PGM2L1: variants seen among roughly 807,000 people sequenced by gnomAD.
PGM2L1 encodes glucose 1,6-bisphosphate synthase.
Under a neutral mutation model 73.4 loss-of-function variants are expected in PGM2L1, and 35 were observed. The observed-to-expected ratio is 0.48, with a 90% CI of 0.36 to 0.63. The LOEUF (loss-of-function observed/expected upper bound fraction) is 0.63. Ranked by LOEUF, PGM2L1 falls within the 30% of genes least tolerant of loss-of-function variation. The probability of loss-of-function intolerance (pLI) is 0.00; values close to 1 mark genes in which losing one functional copy is unlikely to be tolerated. For synonymous variants in PGM2L1, 225 were observed against 253.8 expected (o/e 0.89, Z 1.08); for missense variants, 570 against 742.0 (o/e 0.77, Z 2.69).
chr11:74,384,960 C>T (rs1017607449), intron 1 of PGM2L1, among the ~76,000 whole-genome samples: 6 of 152,184 alleles, frequency 3.9e-5, no homozygotes, highest in Admixed American at 2.6e-4. Context: ...AGCTGCCTAT[C>T]CTGATCAATA....
In PGM2L1 at chr11:74,347,137, T is replaced by TA; in HGVS notation, c.939+10dup. 1.3e-6 allele frequency: 2 copies of TA among 1,524,092 alleles called. No individual in the cohort carries two copies. Among genetic ancestry groups the TA allele is most frequent in the Non-Finnish European group, 1.8e-6 (2 of 1,136,858 alleles). 94.4% of individuals were successfully genotyped at this position (1,524,092 alleles called of 1,614,324 possible). On this transcript the variant is annotated intron_variant, in intron 7 of 13. Transcript: ENST00000298198. ...ATAAACTAATAATAATTTAAATATT[T>TA]AAAAAAATACCAGCACAGATTCTCC...
intron 5 of PGM2L1, among the ~76,000 whole-genome samples, chr11:74,366,990 G>C (rs974178298): frequency 1.3e-5 from 2 of 152,176 alleles, no homozygotes; most frequent in African/African-American, 4.8e-5. Context: ...GACAACAATG[G>C]TTTAGAATGA....
At chr11:74,344,435 T>C (rs1271582616) in intron 9 of PGM2L1, among the ~76,000 whole-genome samples, 1 of 151,926 alleles carries the variant, frequency 6.6e-6, no homozygotes, top group East Asian at 1.9e-4. Flanking sequence ...ATAATTAGAT[T>C]TGAGGACTTT....
chr11:74,359,987 T>C (rs1482182163), intron 5 of PGM2L1, among the ~76,000 whole-genome samples: 1 of 151,956 alleles, frequency 6.6e-6, no homozygotes, highest in East Asian at 1.9e-4. Context: ...ATTTAGGGGA[T>C]GGGGGTGAGA....
chr11:74,382,162 C>T (rs1862957539), intron 1 of PGM2L1, among the ~76,000 whole-genome samples: 1 of 152,172 alleles, frequency 6.6e-6, no homozygotes, highest in Non-Finnish European at 1.5e-5. Context: ...TAAAAAACCA[C>T]TCTAAACTTA....
At chr11:74,395,520 G>A (rs1466723665) in intron 1 of PGM2L1, among the ~76,000 whole-genome samples, 1 of 145,812 alleles carries the variant, frequency 6.9e-6, no homozygotes, top group Non-Finnish European at 1.5e-5. Context: ...TGAGTAGCTG[G>A]GACTACAGGC....
intron 5 of PGM2L1, among the ~76,000 whole-genome samples, chr11:74,359,383 C>T (rs1862516262): frequency 6.6e-6 from 1 of 151,906 alleles, no homozygotes; most frequent in Non-Finnish European, 1.5e-5. Flanking sequence ...GCCCTCTCTA[C>T]TTCTGAGCTT....
intron 5 of PGM2L1, among the ~76,000 whole-genome samples, chr11:74,358,829 C>G (rs1002775196): frequency 2.0e-5 from 3 of 152,146 alleles, no homozygotes; most frequent in Admixed American, 2.0e-4. Flanking sequence ...GCGAAGGTTG[C>G]AGTGAGCTGA....
At chr11:74,383,962 A>G (rs746564640) in intron 1 of PGM2L1, among the ~76,000 whole-genome samples, 5 of 151,780 alleles carry the variant, frequency 3.3e-5, no homozygotes, top group Non-Finnish European at 5.9e-5. Context: ...AGAATGATTT[A>G]TATTCCTTTG....
At position 74,351,714 on chromosome 11, in the gene PGM2L1, G is replaced by A. The variant is rs1238978620; in HGVS notation, c.556-138C>T. 8.7e-6 allele frequency: 6 copies of A among 692,592 alleles called. No homozygotes were observed. The East Asian group carries it at 1.8e-4, about 21-fold the overall frequency. 42.9% of individuals were successfully genotyped at this position (692,592 alleles called of 1,614,324 possible). On this transcript the variant is annotated intron_variant, in intron 5 of 13. Transcript: ENST00000298198. ...ACGGTGGCTCACGCCTGTAATCTCA[G>A]CACTTTGGGAGGCTGAGGCGGGCAG...
chr11:74,395,554 T>C (rs981289936), intron 1 of PGM2L1, among the ~76,000 whole-genome samples: 1,728 of 20,026 alleles, frequency 0.086, 36 homozygotes, highest in Non-Finnish European at 0.12. Context: ...CCTGGCTTTT[T>C]TTTTTTTTTT....
intron 6 of PGM2L1, among the ~76,000 whole-genome samples, chr11:74,348,011 A>G (rs1006574607): frequency 1.3e-5 from 2 of 152,040 alleles, no homozygotes; most frequent in African/African-American, 2.4e-5. Flanking sequence ...TTCATCTCAT[A>G]CATCACTCAG....
chr11:74,368,633 CAT>C lies in PGM2L1; in HGVS notation c.472-60_472-59del, dbSNP rs1391520614. ...GCTTCCTAGCTATTTACACATTTGACATGAGAATAATTTTGATTAAATAACAG... is the reference window on the plus strand; with the variant it reads ...GCTTCCTAGCTATTTACACATTTGACGAGAATAATTTTGATTAAATAACAG... On this transcript the variant is annotated intron_variant, in intron 4 of 13. Transcript: ENST00000298198. 6 of 1,363,146 alleles carry C rather than the reference CAT, an allele frequency of 4.4e-6. No individual in the cohort carries two copies. The East Asian group carries it at 1.4e-4, about 32-fold the overall frequency. 84.4% of individuals were successfully genotyped at this position (1,363,146 alleles called of 1,614,324 possible). A position where few individuals can be genotyped will look rare whatever the true frequency, so the allele number is the denominator to read the frequency against.
rs1448840085 is a variant in PGM2L1, at chr11:74,397,861, T to C, written c.111+190A>G. ...ACTGCAGAAGGAAGCGATGCAGATG[T>C]TGCCGCCCGGCTCTGGCAGTCCGAA... On this transcript the variant is annotated intron_variant, in intron 1 of 13. Transcript: ENST00000298198. 4.0e-6 allele frequency: 4 copies of C among 990,442 alleles called. No homozygotes were observed. In the African/African-American group the frequency reaches 6.7e-5, roughly 16 times the overall value. The allele number at this position is 990,442 out of a possible 1,614,324, so 61.4% of individuals were successfully genotyped here. A position where few individuals can be genotyped will look rare whatever the true frequency, so the allele number is the denominator to read the frequency against.
chr11:74,356,064 T>C (rs1565438683), intron 5 of PGM2L1, among the ~76,000 whole-genome samples: 1 of 152,244 alleles, frequency 6.6e-6, no homozygotes, highest in African/African-American at 2.4e-5. Flanking sequence ...TTTTTTTTTT[T>C]TAATGTGCTG....
intron 12 of PGM2L1, among the ~76,000 whole-genome samples, chr11:74,339,616 A>G (rs563874231): frequency 3.3e-5 from 5 of 152,166 alleles, no homozygotes; most frequent in African/African-American, 9.6e-5. Context: ...TCTTTCCATC[A>G]CTGCTCCTAT....
intron 1 of PGM2L1, among the ~76,000 whole-genome samples, chr11:74,377,664 GCCATGA>G (rs1274252251): frequency 6.6e-6 from 1 of 152,126 alleles, no homozygotes; most frequent in Non-Finnish European, 1.5e-5. Flanking sequence ...TTATTGGATA[GCCATGA>G]TGCTGTTTGG....
intron 1 of PGM2L1, among the ~76,000 whole-genome samples, chr11:74,388,547 G>GA (rs1192828889): frequency 6.6e-6 from 1 of 151,972 alleles, no homozygotes; most frequent in African/African-American, 2.4e-5. Context: ...AAAATGACGT[G>GA]AAAAAATTCT....
At chr11:74,365,231 C>T (rs1398794708) in intron 5 of PGM2L1, among the ~76,000 whole-genome samples, 1 of 152,146 alleles carries the variant, frequency 6.6e-6, no homozygotes, top group Non-Finnish European at 1.5e-5. Context: ...GGATTAAAGA[C>T]TTAAATGTTA....
Sources: allele counts gnomAD v4.1 joint callset (sites outside exome capture counted in the v4.1 genomes callset), GRCh38; gene constraint gnomAD v4.1.1; transcripts MANE v1.5; gene names NCBI Gene and HGNC (gene_info 2026-07-23, HGNC 2026-07-21).